Variants in ARHGAP26 observed in about 807,000 individuals in gnomAD.
ARHGAP26 encodes the protein rho GTPase-activating protein 26.
Under a neutral mutation model 104.8 loss-of-function variants are expected in ARHGAP26, and 38 were observed. The observed-to-expected ratio is 0.36, with a 90% confidence interval of 0.28 to 0.48. The LOEUF (loss-of-function observed/expected upper bound fraction) is 0.48, where lower values mean the gene tolerates loss of function less well. Ranked by LOEUF, ARHGAP26 falls within the 20% of genes least tolerant of loss-of-function variation. The pLI, the probability that ARHGAP26 is intolerant of heterozygous loss-of-function variation, is 0.99. For synonymous variants in ARHGAP26, 341 were observed against 340.0 expected, an observed-to-expected ratio of 1.00 and a Z score of -0.03; for missense variants, 704 against 947.9, an observed-to-expected ratio of 0.74 and a Z score of 3.38.
At chr5:142,815,363 T>G (rs1011349829) in intron 1 of ARHGAP26, among the ~76,000 whole-genome samples, 7 of 152,244 alleles carry the variant, frequency 4.6e-5, no homozygotes, top group Admixed American at 2.6e-4. Flanking sequence ...TTTTTATGCT[T>G]GCTTTTCTAT....
intron 20 of ARHGAP26, among the ~76,000 whole-genome samples, chr5:143,164,007 A>G (rs1017957986): frequency 1.3e-5 from 2 of 150,486 alleles, no homozygotes; most frequent in African/African-American, 2.4e-5. Flanking sequence ...TCCCCACCCC[A>G]TTGCAACAAG....
At chr5:143,116,033 G>A (rs1599084499) in intron 17 of ARHGAP26, among the ~76,000 whole-genome samples, 1 of 152,152 alleles carries the variant, frequency 6.6e-6, no homozygotes, top group East Asian at 1.9e-4. Flanking sequence ...AAATATCAGA[G>A]TGTGTCATAC....
chr5:143,218,241 G>A lies in ARHGAP26; in HGVS notation c.2192-4117G>A, dbSNP rs139482044. ...CTAAAATCATGCCCAGCTTTTTCCC[G>A]TCACAGGGCCGTTGTACTTGCACTA... On this transcript the variant is annotated intron_variant, in intron 22 of 22. Coordinates refer to ENST00000645722, the MANE Select transcript of ARHGAP26 (RefSeq NM_001135608.3). Among the ~76,000 whole-genome samples the A allele has an allele frequency of 3.1e-4, 47 of 152,202 alleles. No homozygotes were observed. In the East Asian group the frequency reaches 5.4e-3, roughly 18 times the overall value.
chr5:142,872,785 A>G (rs986825519), intron 1 of ARHGAP26, among the ~76,000 whole-genome samples: 4 of 151,922 alleles, frequency 2.6e-5, no homozygotes, highest in African/African-American at 9.7e-5. Context: ...AATTCAGGTG[A>G]GCTTTGTCAG....
intron 19 of ARHGAP26, among the ~76,000 whole-genome samples, chr5:143,140,919 T>C (rs1424649587): frequency 3.3e-5 from 5 of 152,382 alleles, no homozygotes; most frequent in Admixed American, 2.0e-4. Flanking sequence ...TTCTCATGTG[T>C]GTCTTCCTTG....
intron 17 of ARHGAP26, among the ~76,000 whole-genome samples, chr5:143,062,258 G>GTT (rs1170358617): frequency 6.6e-6 from 1 of 152,224 alleles, no homozygotes; most frequent in African/African-American, 2.4e-5. Flanking sequence ...AGGTAAGAGA[G>GTT]GGTAATGAAG....
chr5:143,199,271 G>A (rs1204485095), intron 20 of ARHGAP26, among the ~76,000 whole-genome samples: 1 of 152,170 alleles, frequency 6.6e-6, no homozygotes, highest in Non-Finnish European at 1.5e-5. Context: ...GAAAATCCAG[G>A]AGGTTAGGAC....
intron 10 of ARHGAP26, among the ~76,000 whole-genome samples, chr5:142,919,826 G>T (rs992123576): frequency 2.1e-4 from 32 of 152,032 alleles, no homozygotes; most frequent in Admixed American, 3.9e-4. Context: ...GCAAGACCCT[G>T]TCTTTACTAA....
intron 17 of ARHGAP26, among the ~76,000 whole-genome samples, chr5:143,105,800 G>A (rs923221701): frequency 5.3e-5 from 8 of 152,172 alleles, no homozygotes; most frequent in East Asian, 1.9e-4. Flanking sequence ...TAGCTGCACC[G>A]GGGCGTTATG....
At position 143,081,752 on chromosome 5, in the gene ARHGAP26, G is replaced by A. The variant is rs181705567; in HGVS notation, c.1538+24005G>A. 1.1e-3 allele frequency among the ~76,000 whole-genome samples: 165 copies of A among 152,250 alleles called. 2 individuals carry two copies. The highest frequency in any genetic ancestry group is 3.9e-3 in the African/African-American group (160 of 41,538). ...GCTTTTGCTGGGAGCAGTGGCTCAC[G>A]CCTGTAATCCCAGCACTCTGGGAGG... On this transcript the variant is annotated intron_variant, in intron 17 of 22. Coordinates refer to ENST00000645722, the MANE Select transcript of ARHGAP26 (RefSeq NM_001135608.3).
Position 143,226,865 on chromosome 5 carries a change from G to T in ARHGAP26, c.*4419G>T. 4.4e-6 allele frequency: 1 copy of T among 225,878 alleles called. No homozygotes were observed. Among genetic ancestry groups the T allele is most frequent in the Non-Finnish European group, 8.8e-6 (1 of 113,482 alleles). 14.0% of individuals were successfully genotyped at this position (225,878 alleles called of 1,614,324 possible). A position where few individuals can be genotyped will look rare whatever the true frequency, so the allele number is the denominator to read the frequency against. On this transcript the variant is annotated 3_prime_UTR_variant, in exon 23 of 23. Transcript: ENST00000645722. ...GGACAGAGCCATACTAGTGACAAGGGCATCCCAAGGCACTTGCCCAGAGCT... is the reference window on the plus strand; with the variant it reads ...GGACAGAGCCATACTAGTGACAAGGTCATCCCAAGGCACTTGCCCAGAGCT...
chr5:142,844,825 A>G (rs1267997174), intron 1 of ARHGAP26, among the ~76,000 whole-genome samples: 2 of 151,204 alleles, frequency 1.3e-5, no homozygotes, highest in African/African-American at 2.4e-5. Context: ...ACTGCACTAC[A>G]GCTGGGACAA....
At chr5:143,110,588 C>G (rs986487389) in intron 17 of ARHGAP26, among the ~76,000 whole-genome samples, 1 of 152,116 alleles carries the variant, frequency 6.6e-6, no homozygotes, top group Admixed American at 6.6e-5. Context: ...ACTTTTAAAC[C>G]TCCTCTATTT....
intron 20 of ARHGAP26, among the ~76,000 whole-genome samples, chr5:143,149,074 A>AT (rs1168638918): frequency 6.6e-6 from 1 of 151,846 alleles, no homozygotes; most frequent in Non-Finnish European, 1.5e-5. Flanking sequence ...AAGGCTTGGG[A>AT]TTTTTTGTTT....
chr5:142,922,299 G>GT (rs1432235421), intron 10 of ARHGAP26, among the ~76,000 whole-genome samples: 1 of 152,098 alleles, frequency 6.6e-6, no homozygotes, highest in Non-Finnish European at 1.5e-5. Context: ...ATCATCTTAT[G>GT]TAACAGACTT....
intron 1 of ARHGAP26, among the ~76,000 whole-genome samples, chr5:142,803,211 C>T (rs895509827): frequency 2.0e-5 from 3 of 151,798 alleles, no homozygotes; most frequent in African/African-American, 7.3e-5. Context: ...TATGGGACAC[C>T]CAGTAAAATT....
At chr5:143,054,011 C>A (rs1785426353) in intron 14 of ARHGAP26, among the ~76,000 whole-genome samples, 1 of 152,134 alleles carries the variant, frequency 6.6e-6, no homozygotes, top group Non-Finnish European at 1.5e-5. Context: ...TAGGTTGTCT[C>A]CTTTTTTTGT....
intron 11 of ARHGAP26, among the ~76,000 whole-genome samples, chr5:142,985,380 T>A (rs755558051): frequency 6.6e-6 from 1 of 152,222 alleles, no homozygotes; most frequent in Non-Finnish European, 1.5e-5. Flanking sequence ...TTATAAAGTC[T>A]ACAGTATTGT....
chr5:142,816,130 C>T (rs1322108767), intron 1 of ARHGAP26, among the ~76,000 whole-genome samples: 1 of 152,076 alleles, frequency 6.6e-6, no homozygotes, highest in African/African-American at 2.4e-5. Flanking sequence ...TGATTCTTTC[C>T]CTTCTACAGC....
Sources: gnomAD v4.1 joint callset for allele counts (sites outside exome capture counted in the v4.1 genomes callset) on GRCh38, gnomAD v4.1.1 for gene constraint, MANE v1.5 for transcripts, NCBI Gene and HGNC (gene_info 2026-07-23, HGNC 2026-07-21) for gene names.